Variants in IGSF21 observed in about 807,000 individuals in gnomAD.
IGSF21 encodes immunoglobin superfamily member 21.
In IGSF21, 28 loss-of-function variants were observed where a neutral mutation model predicts 46.8. The ratio of observed to expected loss-of-function variants is 0.60; its 90% confidence interval spans 0.44 to 0.82. The LOEUF is 0.82. IGSF21 is among the 40% of genes least tolerant of loss of function. IGSF21 has a pLI of 0.00. For missense variants in IGSF21, 624 were observed against 665.5 expected (o/e 0.94, Z 0.69); for synonymous variants, 284 against 273.6 (o/e 1.04, Z -0.38).
In IGSF21 at chr1:18,227,929, C is replaced by A. The variant is rs762723241; in HGVS notation, c.102C>A (p.Pro34=). The A allele has an allele frequency of 6.2e-7, 1 of 1,614,088 alleles. No individual in the cohort carries two copies. Among genetic ancestry groups the A allele is most frequent in the Non-Finnish European group, 8.5e-7 (1 of 1,179,950 alleles). ...TGACAGTCAACATTGAGCCTCTCCC[C>A]CCTGTGGTGGCTGGAGACGCCGTGA... The part of the protein sequence containing the change: ...GYLTVNIEPL[P]PVVAGDAVTL... Residue 34 remains proline (P), a synonymous_variant, in exon 2 of 10, where the codon CCC becomes CCA. Coordinates refer to ENST00000251296, the MANE Select transcript of IGSF21 (RefSeq NM_032880.5).
chr1:18,331,158 T>A (rs1278287898), intron 3 of IGSF21, among the ~76,000 whole-genome samples: 4 of 152,214 alleles, frequency 2.6e-5, no homozygotes, highest in Non-Finnish European at 5.9e-5. Context: ...AGGTAGTGTT[T>A]GGTTACATAA....
chr1:18,276,232 C>T (rs942143198), intron 2 of IGSF21, among the ~76,000 whole-genome samples: 2 of 152,208 alleles, frequency 1.3e-5, no homozygotes, highest in African/African-American at 4.8e-5. Context: ...TCTAATGCTT[C>T]CCCTGGTGTC....
At chr1:18,160,467 G>A (rs1188020027) in intron 1 of IGSF21, among the ~76,000 whole-genome samples, 1 of 152,232 alleles carries the variant, frequency 6.6e-6, no homozygotes, top group Non-Finnish European at 1.5e-5. Flanking sequence ...TCTCCTGGGT[G>A]TGGCTTCCTG....
intron 2 of IGSF21, among the ~76,000 whole-genome samples, chr1:18,273,498 TTCTTTC>T (rs1267626910): frequency 5.3e-5 from 5 of 94,350 alleles, no homozygotes; most frequent in Non-Finnish European, 9.0e-5. Flanking sequence ...CTTTCTTTCT[TTCTTTC>T]TTTCTTTCTT....
intron 1 of IGSF21, among the ~76,000 whole-genome samples, chr1:18,192,918 TA>T (rs1469252957): frequency 6.6e-6 from 1 of 152,038 alleles, no homozygotes; most frequent in African/African-American, 2.4e-5. Flanking sequence ...GAATATCTAC[TA>T]AGTGGGAAGT....
chr1:18,277,359 C>T (rs2085112151), intron 2 of IGSF21, among the ~76,000 whole-genome samples: 1 of 152,188 alleles, frequency 6.6e-6, no homozygotes, highest in Non-Finnish European at 1.5e-5. Flanking sequence ...GACAGGCCCT[C>T]CTGTACACTC....
chr1:18,143,724 A>T (rs897807943), intron 1 of IGSF21, among the ~76,000 whole-genome samples: 1 of 152,112 alleles, frequency 6.6e-6, no homozygotes, highest in Non-Finnish European at 1.5e-5. Flanking sequence ...TCCTCTGCAC[A>T]CAGGTGACCT....
At chr1:18,247,933 A>C (rs1304678252) in intron 2 of IGSF21, among the ~76,000 whole-genome samples, 1 of 152,182 alleles carries the variant, frequency 6.6e-6, no homozygotes, top group Non-Finnish European at 1.5e-5. Context: ...CTTCTTTAAA[A>C]TGTTAGTTCC....
At chr1:18,132,993 AT>A (rs1277329271) in intron 1 of IGSF21, among the ~76,000 whole-genome samples, 1 of 152,138 alleles carries the variant, frequency 6.6e-6, no homozygotes, top group East Asian at 1.9e-4. Flanking sequence ...TTGGCTTTAA[AT>A]TTTTAACCTA....
At chr1:18,307,617 C>T (rs72936971) in intron 3 of IGSF21, among the ~76,000 whole-genome samples, 2,190 of 152,316 alleles carry the variant, frequency 0.014, 58 homozygotes, top group African/African-American at 0.049. Context: ...CCATCGCTGC[C>T]CTGTGAGTGC....
At chr1:18,299,423 G>T (rs2085340873) in intron 3 of IGSF21, among the ~76,000 whole-genome samples, 1 of 152,226 alleles carries the variant, frequency 6.6e-6, no homozygotes, top group African/African-American at 2.4e-5. Context: ...TTGATACAAA[G>T]AAAAGTGCCA....
At chr1:18,223,461 G>T (rs529442405) in intron 1 of IGSF21, among the ~76,000 whole-genome samples, 71 of 152,188 alleles carry the variant, frequency 4.7e-4, no homozygotes, top group Non-Finnish European at 8.8e-4. Context: ...ATAGCTCTGG[G>T]TTCAGATCCC....
chr1:18,124,560 T>C (rs2086259670), intron 1 of IGSF21, among the ~76,000 whole-genome samples: 1 of 152,202 alleles, frequency 6.6e-6, no homozygotes, highest in Non-Finnish European at 1.5e-5. Context: ...CTTCCCATCC[T>C]GACCTTATGT....
intron 1 of IGSF21, among the ~76,000 whole-genome samples, chr1:18,193,139 G>C (rs1429808720): frequency 3.9e-5 from 6 of 152,106 alleles, no homozygotes; most frequent in Non-Finnish European, 2.9e-5. Context: ...AAGGGCATTT[G>C]ACACCGACAG....
chr1:18,343,494 C>T (rs541067848), intron 4 of IGSF21, among the ~76,000 whole-genome samples: 4 of 152,246 alleles, frequency 2.6e-5, no homozygotes, highest in African/African-American at 9.6e-5. Flanking sequence ...TTGTGCTTTT[C>T]GTGTCTATTT....
chr1:18,171,365 A>T (rs556574564), intron 1 of IGSF21, among the ~76,000 whole-genome samples: 2 of 152,252 alleles, frequency 1.3e-5, no homozygotes, highest in African/African-American at 4.8e-5. Context: ...ACCCATAGCA[A>T]CCTGGAGGGG....
rs377200558 is a variant in IGSF21 at position 18,365,622 on chromosome 1, G to C, written c.940G>C (p.Asp314His). ...CACCTGGACCCTCAACCCACAGATC[G>C]ACAACGAGGCCCTCTTCAGCTGCGA... ...LLTWTLNPQI[D>H]NEALFSCEVK... Residue 314 changes from aspartate to histidine, a missense_variant, in exon 6 of 10, where the codon GAC (aspartate) becomes CAC (histidine). Physicochemically the swap from Asp to His is moderately conservative, Grantham distance 81 (BLOSUM62 -1). Transcript: ENST00000251296. The surrounding 1 kb of genome is among the most constrained non-coding windows in gnomAD (Gnocchi z 4.8). The C allele has an allele frequency of 4.3e-6, 7 of 1,614,038 alleles. No individual in the cohort carries two copies. The Admixed American group carries it at 1.2e-4, about 27-fold the overall frequency.
chr1:18,158,005 A>G (rs2086583542), intron 1 of IGSF21, among the ~76,000 whole-genome samples: 1 of 152,128 alleles, frequency 6.6e-6, no homozygotes, highest in African/African-American at 2.4e-5. Context: ...CCTCCATTAC[A>G]CTAGGAATAT....
At chr1:18,296,768 TCA>T (rs1185362573) in intron 3 of IGSF21, among the ~76,000 whole-genome samples, 1 of 152,154 alleles carries the variant, frequency 6.6e-6, no homozygotes, top group African/African-American at 2.4e-5. Context: ...TCCAAGTGAA[TCA>T]CAGTGAGGCT....
Sources: gnomAD v4.1 joint callset for allele counts (sites outside exome capture counted in the v4.1 genomes callset) on GRCh38, gnomAD v4.1.1 for gene constraint, Gnocchi (gnomAD v3.1) non-coding constraint, MANE v1.5 for transcripts, NCBI Gene and HGNC (gene_info 2026-07-23, HGNC 2026-07-21) for gene names.